Variants in ACTN1 observed in about 807,000 individuals in gnomAD.
ACTN1 encodes the protein actinin alpha 1, also known as alpha-actinin-1.
A neutral mutation model predicts 119.6 loss-of-function variants in ACTN1; 30 were observed. The observed-to-expected ratio is 0.25, with a 90% CI of 0.19 to 0.34. The LOEUF is 0.34. Among genes scored for constraint, ACTN1 ranks in the 10% least tolerant of loss-of-function variants. The pLI is 1.00. For synonymous variants in ACTN1, 429 were observed against 472.6 expected (o/e 0.91, Z 1.20); for missense variants, 764 against 1,223.4 (o/e 0.62, Z 5.60).
chr14:68,916,648 C>T (rs2034311784), intron 3 of ACTN1, among the ~76,000 whole-genome samples: 1 of 152,106 alleles, frequency 6.6e-6, no homozygotes. Context: ...AGCAGGGGTG[C>T]CTCATCTCTC....
intron 8 of ACTN1, among the ~76,000 whole-genome samples, chr14:68,896,887 G>A (rs1053810584): frequency 2.0e-5 from 3 of 152,178 alleles, no homozygotes; most frequent in Admixed American, 2.0e-4. Flanking sequence ...AATATTCTCT[G>A]GAAATGAGCA....
intron 1 of ACTN1, among the ~76,000 whole-genome samples, chr14:68,975,528 ATGCTCTCTCCAG>A (rs1566686006): frequency 1.3e-5 from 2 of 152,268 alleles, no homozygotes; most frequent in African/African-American, 4.8e-5. Context: ...CACCAAGCTG[ATGCTCTCTCCAG>A]CTTGACCTAC....
chr14:68,919,966 G>T (rs1367906750), intron 3 of ACTN1, among the ~76,000 whole-genome samples: 1 of 152,228 alleles, frequency 6.6e-6, no homozygotes, highest in Non-Finnish European at 1.5e-5. Context: ...TTCTAGAAGA[G>T]AGGGGACTGT....
rs560726874 is a variant in ACTN1, at chr14:68,953,848, T to G, written c.105+25104A>C. ...TTGCAGTGAGCCAAGATCGCGCCAC[T>G]GCACTCCAGCCTGGGCGACACAGCA... On this transcript the variant is annotated intron_variant, in intron 1 of 21. Coordinates refer to ENST00000394419, the MANE Select transcript of ACTN1 (RefSeq NM_001130004.2). Among the ~76,000 whole-genome samples the G allele has an allele frequency of 2.6e-3, 384 of 148,010 alleles. 1 individual carries two copies. The highest frequency in any genetic ancestry group is 9.2e-3 in the African/African-American group (368 of 39,924).
chr14:68,935,956 G>A (rs2035482349), intron 1 of ACTN1, among the ~76,000 whole-genome samples: 1 of 152,160 alleles, frequency 6.6e-6, no homozygotes, highest in Non-Finnish European at 1.5e-5. Context: ...CAGGCCAGGG[G>A]AGTTAAGTGT....
At chr14:68,929,670 G>A (rs1266351751) in intron 1 of ACTN1, among the ~76,000 whole-genome samples, 1 of 152,154 alleles carries the variant, frequency 6.6e-6, no homozygotes, top group East Asian at 1.9e-4. Context: ...ACCACACTGG[G>A]ATGTTCCCGC....
At chr14:68,972,932 AATT>A (rs2036937449) in intron 1 of ACTN1, among the ~76,000 whole-genome samples, 1 of 152,198 alleles carries the variant, frequency 6.6e-6, no homozygotes. Flanking sequence ...GAGCCACTAT[AATT>A]ATTATGAGAA....
chr14:68,880,743 C>A lies in ACTN1; in HGVS notation c.2133+67G>T. 1 of 1,541,728 alleles carries A rather than the reference C, an allele frequency of 6.5e-7. No individual in the cohort carries two copies. On this transcript the variant is annotated intron_variant, in intron 17 of 21. Coordinates refer to ENST00000394419, the MANE Select transcript of ACTN1 (RefSeq NM_001130004.2). This position sits in a 1 kb window ranked among gnomAD's most constrained non-coding sequence, Gnocchi z 4.6. ...TATGACCTGTTCCCTTGGAGACTTC[C>A]CCACCCAGGAGAAAGAGCAGAAGGG...
At chr14:68,948,544 C>G (rs1047224649) in intron 1 of ACTN1, among the ~76,000 whole-genome samples, 1 of 152,042 alleles carries the variant, frequency 6.6e-6, no homozygotes, top group Admixed American at 6.5e-5. Flanking sequence ...CACCGCTGCA[C>G]TCCAGCCTGG....
rs1426474338 is a variant in ACTN1, at chr14:68,909,396, G to A, written c.516C>T (p.Ser172=). ...KNVNIQNFHI[S]WKDGLGFCAL... is the part of the protein sequence containing the mutation. ...CACAGAAGCCGAGGCCATCCTTCCA[G>A]CTGCCCGGGGAGAGAGAAGAAGGAG... Residue 172 remains serine (S), a splice_region_variant and synonymous_variant, in exon 6 of 22, where the codon AGC becomes AGT. Coordinates refer to ENST00000394419, the MANE Select transcript of ACTN1 (RefSeq NM_001130004.2). The surrounding 1 kb of genome is among the most constrained non-coding windows in gnomAD (Gnocchi z 4.1). 6.2e-7 allele frequency: 1 copy of A among 1,614,000 alleles called. No individual in the cohort carries two copies. The highest frequency in any genetic ancestry group is 8.5e-7 in the Non-Finnish European group (1 of 1,179,964).
Position 68,882,491 on chromosome 14 carries a change from A to T in ACTN1, c.1920T>A (p.Asn640Lys), listed in dbSNP as rs1346290355. The change falls in exon 16 of 22, where the codon AAT (asparagine) becomes AAA (lysine). Residue 640 changes from asparagine to lysine, a missense_variant. Transcript: ENST00000394419. This position sits in a 1 kb window ranked among gnomAD's most constrained non-coding sequence, Gnocchi z 4.5. ...RLRKQFGAQANVIGPWIQTKM... is the reference protein window; with the variant it reads ...RLRKQFGAQAKVIGPWIQTKM... ...TGGTCTGGATCCAGGGCCCGATGAC[A>T]TTGGCCTGGGCTCCAAACTGCTTGC... 6.2e-7 allele frequency: 1 copy of T among 1,614,174 alleles called. No individual in the cohort carries two copies. The highest frequency in any genetic ancestry group is 8.5e-7 in the Non-Finnish European group (1 of 1,180,014).
intron 7 of ACTN1, 95 bp from the exon 8 acceptor site, chr14:68,902,657 C>T: frequency 9.6e-7 from 1 of 1,043,002 alleles, no homozygotes. Flanking sequence ...ACCACCAAGT[C>T]TTCTTGCCAA....
chr14:68,915,211 G>A (rs1446182121), intron 3 of ACTN1, among the ~76,000 whole-genome samples: 1 of 152,020 alleles, frequency 6.6e-6, no homozygotes, highest in Non-Finnish European at 1.5e-5. Context: ...AGAGGCCCTC[G>A]TGGTCTGGCC....
intron 1 of ACTN1, among the ~76,000 whole-genome samples, chr14:68,931,664 G>A (rs1336986132): frequency 6.6e-6 from 1 of 152,174 alleles, no homozygotes; most frequent in Non-Finnish European, 1.5e-5. Context: ...TCTGTAAAAT[G>A]GGGATGGTAA....
At chr14:68,977,965 CAGCGGT>C in intron 1 of ACTN1, 1 of 456,060 alleles carries the variant, frequency 2.2e-6, no homozygotes, top group Non-Finnish European at 4.4e-6. Flanking sequence ...AGGCAGGAAG[CAGCGGT>C]AGGGTTGAGG....
At chr14:68,931,220 G>A (rs1415373794) in intron 1 of ACTN1, among the ~76,000 whole-genome samples, 2 of 152,246 alleles carry the variant, frequency 1.3e-5, no homozygotes, top group East Asian at 1.9e-4. Context: ...ACACCAACCA[G>A]ATGAAATCCA....
chr14:68,945,036 C>T (rs1413197973), intron 1 of ACTN1, among the ~76,000 whole-genome samples: 2 of 151,720 alleles, frequency 1.3e-5, no homozygotes, highest in African/African-American at 2.4e-5. Flanking sequence ...TGTGGTGGCA[C>T]GTGCCCATAA....
chr14:68,977,711 A>T (rs2037107120), intron 1 of ACTN1: 2 of 309,022 alleles, frequency 6.5e-6, no homozygotes, highest in South Asian at 5.1e-5. Flanking sequence ...TAAGTTTAAA[A>T]AAGGGAATGA....
Position 68,918,286 on chromosome 14 carries a change from G to A in ACTN1, c.340+2720C>T, listed in dbSNP as rs75204732. 5.3e-5 allele frequency among the ~76,000 whole-genome samples: 8 copies of A among 152,050 alleles called. No individual in the cohort carries two copies. The East Asian group carries it at 1.6e-3, about 30-fold the overall frequency. ...GCCATCTCAGTACTGAAGACAATTC[G>A]ATGTGAAAGTTCTGGCCGGGCGCGG... is the stretch of plus-strand genomic sequence containing the variant. On this transcript the variant is annotated intron_variant, in intron 3 of 21. Coordinates refer to ENST00000394419, the MANE Select transcript of ACTN1 (RefSeq NM_001130004.2).
Sources: gnomAD v4.1 joint callset for allele counts (sites outside exome capture counted in the v4.1 genomes callset) on GRCh38, gnomAD v4.1.1 for gene constraint, Gnocchi (gnomAD v3.1) non-coding constraint, MANE v1.5 for transcripts, NCBI Gene and HGNC (gene_info 2026-07-23, HGNC 2026-07-21) for gene names.